IL1RAPL2: variants seen among roughly 807,000 people sequenced by gnomAD.
IL1RAPL2 encodes the protein interleukin 1 receptor accessory protein like 2, also known as X-linked interleukin-1 receptor accessory protein-like 2.
Under a neutral mutation model 44.1 loss-of-function variants are expected in IL1RAPL2, and 3 were observed. That is an observed-to-expected ratio of 0.07 (90% CI 0.03 to 0.18). IL1RAPL2 has a LOEUF of 0.18. IL1RAPL2 is among the 10% of genes least tolerant of loss of function. The probability of loss-of-function intolerance (pLI) is 1.00; values close to 1 mark genes in which losing one functional copy is unlikely to be tolerated. For missense variants in IL1RAPL2, 391 were observed against 496.4 expected (o/e 0.79, Z 2.02); for synonymous variants, 181 against 178.8 (o/e 1.01, Z -0.10).
intron 5 of IL1RAPL2, among the ~76,000 whole-genome samples, chrX:105,332,096 C>T (rs1476848099): frequency 9.1e-6 from 1 of 109,904 alleles, no homozygotes; most frequent in Non-Finnish European, 1.9e-5. Context: ...CAGAAGGTTC[C>T]TGTTGGGGAC....
At chrX:104,694,128 C>G (rs965817927) in intron 2 of IL1RAPL2, among the ~76,000 whole-genome samples, 1 of 111,913 alleles carries the variant, frequency 8.9e-6, no homozygotes, top group African/African-American at 3.3e-5. Context: ...CCATGCATAT[C>G]GTGAACATAT....
chrX:105,151,311 A>T (rs1369721070), intron 2 of IL1RAPL2, among the ~76,000 whole-genome samples: 1 of 111,246 alleles, frequency 9.0e-6, no homozygotes, highest in Non-Finnish European at 1.9e-5. Context: ...ATTTTTTTCT[A>T]TGTGACTTGA....
intron 6 of IL1RAPL2, among the ~76,000 whole-genome samples, chrX:105,654,145 A>T (rs2037661380): frequency 9.7e-6 from 1 of 103,068 alleles, no homozygotes. Context: ...TCATACTTTG[A>T]CCTTTGAGGT....
intron 1 of IL1RAPL2, among the ~76,000 whole-genome samples, chrX:104,585,852 CATT>C (rs1045783098): frequency 2.7e-5 from 3 of 110,851 alleles, no homozygotes; most frequent in Non-Finnish European, 5.7e-5. Context: ...CATTGATGGG[CATT>C]TAGGTTGATT....
At chrX:105,033,436 C>T (rs1226717499) in intron 2 of IL1RAPL2, among the ~76,000 whole-genome samples, 2 of 111,379 alleles carry the variant, frequency 1.8e-5, no homozygotes, top group Non-Finnish European at 3.8e-5. Context: ...CAAAATCTCT[C>T]AGCATTTGCT....
chrX:104,797,223 C>CAGAATT (rs1373289622), intron 2 of IL1RAPL2, among the ~76,000 whole-genome samples: 1 of 79,819 alleles, frequency 1.3e-5, no homozygotes, highest in Admixed American at 1.8e-4. Context: ...TTTGCTATGA[C>CAGAATT]AGAATTACAG....
chrX:104,957,904 C>G (rs1420322047), intron 2 of IL1RAPL2, among the ~76,000 whole-genome samples: 1 of 110,737 alleles, frequency 9.0e-6, no homozygotes, highest in Non-Finnish European at 1.9e-5. Flanking sequence ...CTGGGCAACA[C>G]AGCGAGACCT....
chrX:105,228,991 G>A (rs782463084), intron 3 of IL1RAPL2, among the ~76,000 whole-genome samples: 3 of 112,221 alleles, frequency 2.7e-5, no homozygotes, highest in African/African-American at 9.7e-5. Context: ...AGTTGTTGCT[G>A]CAGTATCATT....
At chrX:105,032,553 T>A (rs1247373944) in intron 2 of IL1RAPL2, among the ~76,000 whole-genome samples, 1 of 112,195 alleles carries the variant, frequency 8.9e-6, no homozygotes, top group African/African-American at 3.2e-5. Flanking sequence ...AGTTTCTTAA[T>A]CCTGAGTTCT....
intron 1 of IL1RAPL2, among the ~76,000 whole-genome samples, chrX:104,610,087 TTTTC>T (rs1311347885): frequency 2.7e-5 from 3 of 111,657 alleles, no homozygotes; most frequent in African/African-American, 9.8e-5. Context: ...TGTTTGTTAG[TTTTC>T]TTTCTTTTTT....
At chrX:104,805,673 C>G (rs763572178) in intron 2 of IL1RAPL2, among the ~76,000 whole-genome samples, 18 of 112,011 alleles carry the variant, frequency 1.6e-4, no homozygotes, top group Non-Finnish European at 3.0e-4. Context: ...GAGTAGTTAT[C>G]AAAGGTTTTC....
intron 2 of IL1RAPL2, among the ~76,000 whole-genome samples, chrX:105,188,183 A>G (rs782177863): frequency 9.0e-6 from 1 of 111,179 alleles, no homozygotes; most frequent in African/African-American, 3.3e-5. Flanking sequence ...GAGAAAGTCA[A>G]GATTCAGGGA....
chrX:104,864,991 T>C (rs1293624494), intron 2 of IL1RAPL2, among the ~76,000 whole-genome samples: 1 of 111,222 alleles, frequency 9.0e-6, no homozygotes, highest in Non-Finnish European at 1.9e-5. Flanking sequence ...ATGCCTAGAC[T>C]CATCCTGTGG....
At chrX:104,799,704 A>G (rs905408006) in intron 2 of IL1RAPL2, among the ~76,000 whole-genome samples, 3 of 111,936 alleles carry the variant, frequency 2.7e-5, no homozygotes, top group Non-Finnish European at 5.6e-5. Context: ...TTAATTGACA[A>G]TAATTGTGTA....
intron 2 of IL1RAPL2, among the ~76,000 whole-genome samples, chrX:104,917,030 C>T (rs1339548708): frequency 9.0e-6 from 1 of 111,593 alleles, no homozygotes; most frequent in Non-Finnish European, 1.9e-5. Context: ...CTAAAATTCT[C>T]TTTTTTGGTT....
intron 5 of IL1RAPL2, among the ~76,000 whole-genome samples, chrX:105,424,768 A>G (rs2035797699): frequency 9.1e-6 from 1 of 109,667 alleles, no homozygotes; most frequent in Non-Finnish European, 1.9e-5. Flanking sequence ...TAAATGAATA[A>G]AATAAAAAAT....
At chrX:105,131,589 C>T (rs1487566811) in intron 2 of IL1RAPL2, among the ~76,000 whole-genome samples, 1 of 108,605 alleles carries the variant, frequency 9.2e-6, no homozygotes, top group African/African-American at 3.3e-5. Flanking sequence ...GGATTTGGCT[C>T]AATGGCCATA....
At chrX:105,497,032 T>A (rs2036361121) in intron 6 of IL1RAPL2, among the ~76,000 whole-genome samples, 1 of 111,711 alleles carries the variant, frequency 9.0e-6, no homozygotes, top group Non-Finnish European at 1.9e-5. Context: ...ATTCTTTTGA[T>A]GTACAAAGAA....
In IL1RAPL2 at chrX:104,761,938, T is replaced by C. The variant is rs868021177; in HGVS notation, c.82+102943T>C. Among the ~76,000 whole-genome samples the C allele has an allele frequency of 7.5e-4, 45 of 59,729 alleles. 2 individuals carry two copies. Among genetic ancestry groups the C allele is most frequent in the Non-Finnish European group, 1.0e-3 (36 of 35,514 alleles). 51.9% of individuals were successfully genotyped at this position (59,729 alleles called of 115,157 possible). ...TTCTCCTTCTCCTTCTTCTTCTTCT[T>C]CTTCTTCTTCTTCTTCTTCTTCTTC... is the stretch of plus-strand genomic sequence containing the variant. On this transcript the variant is annotated intron_variant, in intron 2 of 10. Coordinates refer to ENST00000372582, the MANE Select transcript of IL1RAPL2 (RefSeq NM_017416.2).
Sources: allele counts gnomAD v4.1 joint callset (sites outside exome capture counted in the v4.1 genomes callset), GRCh38; gene constraint gnomAD v4.1.1; transcripts MANE v1.5; gene names NCBI Gene and HGNC (gene_info 2026-07-23, HGNC 2026-07-21).